SMYD2: variants seen among roughly 807,000 people sequenced by gnomAD.
SMYD2 encodes SET and MYND domain containing 2.
A neutral mutation model predicts 59.1 loss-of-function variants in SMYD2; 53 were observed. The ratio of observed to expected loss-of-function variants is 0.90; its 90% CI spans 0.72 to 1.13. The LOEUF (loss-of-function observed/expected upper bound fraction) is 1.13, where lower values mean the gene tolerates loss of function less well. SMYD2 is among the 50% of genes most tolerant of loss of function. The probability of loss-of-function intolerance (pLI) is 0.00; values close to 1 mark genes in which losing one functional copy is unlikely to be tolerated. For missense variants in SMYD2, 494 were observed against 544.7 expected (o/e 0.91, Z 0.93); for synonymous variants, 208 against 198.8 (o/e 1.05, Z -0.39).
intron 1 of SMYD2, among the ~76,000 whole-genome samples, chr1:214,284,974 G>A (rs765371075): frequency 1.2e-4 from 18 of 152,120 alleles, no homozygotes; most frequent in Non-Finnish European, 2.5e-4. Flanking sequence ...CTTGGCTCAT[G>A]GGTTATTTAA....
chr1:214,316,535 G>A, intron 3 of SMYD2, among the ~76,000 whole-genome samples: 1 of 151,148 alleles, frequency 6.6e-6, no homozygotes, highest in East Asian at 1.9e-4. Context: ...CACTTCTCCT[G>A]TATACCTACC....
chr1:214,296,812 C>CAT (rs1656737227), intron 1 of SMYD2, among the ~76,000 whole-genome samples: 1 of 152,010 alleles, frequency 6.6e-6, no homozygotes, highest in African/African-American at 2.4e-5. Flanking sequence ...AGTAACTCAT[C>CAT]ATATTCATCC....
intron 7 of SMYD2, among the ~76,000 whole-genome samples, chr1:214,329,723 C>A (rs1364624441): frequency 6.6e-6 from 1 of 152,196 alleles, no homozygotes; most frequent in Admixed American, 6.5e-5. Context: ...AGCTTAGCTG[C>A]ATGTGTGTGG....
At chr1:214,314,186 A>C (rs1436292336) in intron 2 of SMYD2, among the ~76,000 whole-genome samples, 1 of 152,134 alleles carries the variant, frequency 6.6e-6, no homozygotes, top group East Asian at 1.9e-4. Flanking sequence ...AAAAAAAAAA[A>C]AGGAAAGAAA....
rs56254326 is a variant in SMYD2 at position 214,304,558 on chromosome 1, CAAAAAAAA to C, written c.174-612_174-605del. The stretch of plus-strand genomic sequence containing the variant: ...TGGGTGACAGAGTGAGACCCTATCT[CAAAAAAAA>C]AAAAAAAAAAAAAAAAGCATCTATC... On this transcript the variant is annotated intron_variant, in intron 1 of 11. Coordinates refer to ENST00000366957, the MANE Select transcript of SMYD2 (RefSeq NM_020197.3). Among the ~76,000 whole-genome samples, 145 of 48,028 alleles carry C rather than the reference CAAAAAAAA, an allele frequency of 3.0e-3. 9 individuals carry two copies. The South Asian group carries it at 0.11, about 36-fold the overall frequency. 31.5% of individuals were successfully genotyped at this position (48,028 alleles called of 152,430 possible).
intron 1 of SMYD2, among the ~76,000 whole-genome samples, chr1:214,300,730 C>T (rs1336533062): frequency 6.6e-6 from 1 of 152,176 alleles, no homozygotes; most frequent in Non-Finnish European, 1.5e-5. Flanking sequence ...GTGTGAATTC[C>T]AATTCTGCCA....
chr1:214,292,118 G>C (rs1427063262), intron 1 of SMYD2, among the ~76,000 whole-genome samples: 9 of 144,246 alleles, frequency 6.2e-5, no homozygotes, highest in Admixed American at 6.2e-4. Flanking sequence ...GAGAGAGAGA[G>C]AGAAGCCCAC....
At chr1:214,335,093 G>A (rs1053214519) in intron 11 of SMYD2, among the ~76,000 whole-genome samples, 1 of 152,226 alleles carries the variant, frequency 6.6e-6, no homozygotes, top group Non-Finnish European at 1.5e-5. Context: ...TCAATACAGT[G>A]TAATTTAGGG....
rs79620522 is a variant in SMYD2, at chr1:214,313,626, T to G, written c.238-1136T>G. 5.3e-5 allele frequency among the ~76,000 whole-genome samples: 8 copies of G among 152,248 alleles called. No homozygotes were observed. In the East Asian group the frequency reaches 1.5e-3, roughly 29 times the overall value. On this transcript the variant is annotated intron_variant, in intron 2 of 11. Transcript: ENST00000366957. ...TACCCCATCATCCCACCAAAACTTG[T>G]TTTTATGAAAATCATCAAGCTTCCA...
chr1:214,290,139 T>G (rs1214334226), intron 1 of SMYD2, among the ~76,000 whole-genome samples: 5 of 152,086 alleles, frequency 3.3e-5, no homozygotes, highest in Admixed American at 1.3e-4. Context: ...ACCAACACAA[T>G]AGAACAGAAG....
At chr1:214,298,115 GAAC>G (rs1656763047) in intron 1 of SMYD2, among the ~76,000 whole-genome samples, 2 of 152,132 alleles carry the variant, frequency 1.3e-5, no homozygotes, top group African/African-American at 2.4e-5. Context: ...TAAGCAAAAA[GAAC>G]AAAGCCAGAG....
chr1:214,281,496 G>T (rs1436816900), intron 1 of SMYD2, 69 bp downstream of exon 1: 83 of 1,092,578 alleles, frequency 7.6e-5, no homozygotes, highest in Non-Finnish European at 9.0e-5. Flanking sequence ...GGACGGCGGC[G>T]CCAGGAAGTG....
intron 1 of SMYD2, among the ~76,000 whole-genome samples, 156 bp downstream of exon 1, chr1:214,281,583 G>GGCCCCGCGCTGCA (rs1335251038): frequency 5.9e-5 from 9 of 151,544 alleles, no homozygotes; most frequent in East Asian, 1.9e-4. Context: ...CCCGCGCTGC[G>GGCCCCGCGCTGCA]GCCCCGCGCT....
chr1:214,301,298 A>G (rs1656820292), intron 1 of SMYD2, among the ~76,000 whole-genome samples: 1 of 152,228 alleles, frequency 6.6e-6, no homozygotes, highest in African/African-American at 2.4e-5. Context: ...TTGATTAATC[A>G]GTAAACTTTG....
chr1:214,299,657 A>G (rs1051821164), intron 1 of SMYD2, among the ~76,000 whole-genome samples: 1 of 152,072 alleles, frequency 6.6e-6, no homozygotes, highest in Non-Finnish European at 1.5e-5. Context: ...CCCAGGCTGG[A>G]GTGCAGTGGC....
chr1:214,306,898 CG>C (rs1340431745), intron 2 of SMYD2, among the ~76,000 whole-genome samples: 1 of 152,154 alleles, frequency 6.6e-6, no homozygotes, highest in Non-Finnish European at 1.5e-5. Context: ...TGGCTGGGCG[CG>C]GTGGCTCATG....
At chr1:214,332,390 G>T in intron 10 of SMYD2, 198 bp downstream of exon 10, 1 of 587,066 alleles carries the variant, frequency 1.7e-6, no homozygotes, top group Admixed American at 3.4e-5. Context: ...AAGGAGACAG[G>T]TTGAGGTTAT....
intron 1 of SMYD2, among the ~76,000 whole-genome samples, chr1:214,304,089 A>G (rs1656874862): frequency 6.6e-6 from 1 of 152,246 alleles, no homozygotes; most frequent in South Asian, 2.1e-4. Context: ...TACACACGCG[A>G]GCACCTAACA....
intron 9 of SMYD2, 112 bp downstream of exon 9, chr1:214,331,182 G>A: frequency 6.7e-7 from 1 of 1,484,080 alleles, no homozygotes; most frequent in Non-Finnish European, 9.2e-7. Context: ...AAAACCAAAG[G>A]AGGAATGTCT....
Sources: gnomAD v4.1 joint callset for allele counts (sites outside exome capture counted in the v4.1 genomes callset) on GRCh38, gnomAD v4.1.1 for gene constraint, MANE v1.5 for transcripts, NCBI Gene and HGNC (gene_info 2026-07-23, HGNC 2026-07-21) for gene names.